The following MOB3B variants were observed in gnomAD, a reference collection of about 807,000 sequenced individuals.
MOB3B encodes the protein MOB kinase activator 3B, also known as MOB kinase activator-like 2B.
Under a neutral mutation model 18.7 loss-of-function variants are expected in MOB3B, and 7 were observed. The observed-to-expected ratio is 0.37, with a 90% CI of 0.21 to 0.70. The LOEUF (loss-of-function observed/expected upper bound fraction) is 0.70. Ranked by LOEUF, MOB3B falls within the 30% of genes least tolerant of loss-of-function variation. MOB3B has a pLI of 0.52. For synonymous variants in MOB3B, 111 were observed against 99.9 expected (o/e 1.11, Z -0.66); for missense variants, 253 against 281.3 (o/e 0.90, Z 0.72).
At chr9:27,414,728 C>T (rs1442430514) in intron 2 of MOB3B, among the ~76,000 whole-genome samples, 1 of 152,038 alleles carries the variant, frequency 6.6e-6, no homozygotes, top group Non-Finnish European at 1.5e-5. Flanking sequence ...TTTTCCTCCC[C>T]AATAAGTCAA....
chr9:27,425,912 T>C lies in MOB3B; in HGVS notation c.418+29221A>G, dbSNP rs114046192. Among the ~76,000 whole-genome samples the C allele has an allele frequency of 3.9e-3, 589 of 152,082 alleles. 4 individuals are homozygous for C. The highest frequency in any genetic ancestry group is 0.014 in the African/African-American group (567 of 41,446). ...AATGAGGGACTGGAAAAGTCATAGGTAAGGAAGGAAGAGTGACGGCAAACT... is the reference window on the plus strand; with the variant it reads ...AATGAGGGACTGGAAAAGTCATAGGCAAGGAAGGAAGAGTGACGGCAAACT... On this transcript the variant is annotated intron_variant, in intron 2 of 3. Coordinates refer to ENST00000262244, the MANE Select transcript of MOB3B (RefSeq NM_024761.5).
chr9:27,359,523 A>G (rs568152186), intron 2 of MOB3B, among the ~76,000 whole-genome samples: 1 of 152,320 alleles, frequency 6.6e-6, no homozygotes, highest in South Asian at 2.1e-4. Context: ...GATAATTCAG[A>G]AATTTAGAGT....
rs779649858 is a variant in MOB3B, at chr9:27,455,335, G to T, written c.216C>A (p.Asn72Lys). ...VHVVDFFNRI[N>K]LIYGTICEFC... ...ACTCACAGATGGTGCCATAGATGAG[G>T]TTGATCCGATTGAAGAAGTCCACCA... Residue 72 changes from asparagine (N) to lysine (K), a missense_variant, in exon 2 of 4, where the codon AAC becomes AAA. Asn to Lys is a moderately conservative substitution (Grantham distance 94). Coordinates refer to ENST00000262244, the MANE Select transcript of MOB3B (RefSeq NM_024761.5). 3.1e-6 allele frequency: 5 copies of T among 1,614,142 alleles called. No individual in the cohort carries two copies. The highest frequency in any genetic ancestry group is 4.2e-6 in the Non-Finnish European group (5 of 1,180,010).
At chr9:27,422,212 C>G (rs960615753) in intron 2 of MOB3B, among the ~76,000 whole-genome samples, 42 of 152,190 alleles carry the variant, frequency 2.8e-4, no homozygotes, top group African/African-American at 1.0e-3. Flanking sequence ...GCTGATCTTG[C>G]CTTTCAAATA....
intron 1 of MOB3B, among the ~76,000 whole-genome samples, chr9:27,481,562 G>GGCTGGAGT (rs950475978): frequency 2.1e-5 from 3 of 139,960 alleles, no homozygotes; most frequent in African/African-American, 8.3e-5. Context: ...CTGTCGCCCA[G>GGCTGGAGT]GCTGGAGTGC....
chr9:27,432,247 T>A (rs1204652979), intron 2 of MOB3B, among the ~76,000 whole-genome samples: 1 of 149,640 alleles, frequency 6.7e-6, no homozygotes, highest in Non-Finnish European at 1.5e-5. Flanking sequence ...TCTTTTACAA[T>A]TCTGTAAGAT....
In MOB3B at chr9:27,518,452, C is replaced by G. The variant is rs2131505694; in HGVS notation, c.-199+11103G>C. ...AAGCCCCATTCGGGCTCAAAAGGAC[C>G]CAGGGAAATCAACACTGAAATGAGG... On this transcript the variant is annotated intron_variant, in intron 1 of 3. Transcript: ENST00000262244. 2.6e-5 allele frequency among the ~76,000 whole-genome samples: 4 copies of G among 152,242 alleles called. No homozygotes were observed. The South Asian group carries it at 8.3e-4, about 32-fold the overall frequency.
At chr9:27,469,812 G>A (rs752880941) in intron 1 of MOB3B, among the ~76,000 whole-genome samples, 10 of 152,092 alleles carry the variant, frequency 6.6e-5, no homozygotes, top group South Asian at 4.2e-4. Flanking sequence ...CGTGCCAGGC[G>A]TGGTAGCTGA....
chr9:27,394,494 A>G (rs1056725300), intron 2 of MOB3B, among the ~76,000 whole-genome samples: 3 of 152,234 alleles, frequency 2.0e-5, no homozygotes, highest in African/African-American at 7.2e-5. Flanking sequence ...AAAAGAAGCA[A>G]TCCCAAATGA....
At chr9:27,481,623 T>TTATGCCAC (rs1384540262) in intron 1 of MOB3B, among the ~76,000 whole-genome samples, 8 of 150,902 alleles carry the variant, frequency 5.3e-5, no homozygotes, top group Non-Finnish European at 1.0e-4. Context: ...CCTCCCAGGT[T>TTATGCCAC]TATGCCACTC....
chr9:27,403,110 G>C (rs1021131495), intron 2 of MOB3B, among the ~76,000 whole-genome samples: 6 of 152,154 alleles, frequency 3.9e-5, no homozygotes, highest in African/African-American at 9.7e-5. Flanking sequence ...CACTGGCTCT[G>C]ATGACCACTA....
intron 2 of MOB3B, among the ~76,000 whole-genome samples, chr9:27,434,925 T>C (rs896905737): frequency 6.6e-6 from 1 of 152,182 alleles, no homozygotes; most frequent in Non-Finnish European, 1.5e-5. Context: ...AAAATATGTC[T>C]CTTGGCATGT....
intron 3 of MOB3B, among the ~76,000 whole-genome samples, chr9:27,333,865 C>T (rs1334167258): frequency 6.6e-6 from 1 of 152,190 alleles, no homozygotes; most frequent in Non-Finnish European, 1.5e-5. Flanking sequence ...TCACCTCCTG[C>T]TGAATTCCCT....
intron 2 of MOB3B, among the ~76,000 whole-genome samples, chr9:27,444,154 A>AGAAGGAAG (rs146325733): frequency 4.9e-5 from 7 of 142,670 alleles, no homozygotes; most frequent in East Asian, 4.1e-4. Flanking sequence ...GAAGAAGGAA[A>AGAAGGAAG]GAAGGAAGGA....
chr9:27,332,191 C>T (rs1820799031), intron 3 of MOB3B, among the ~76,000 whole-genome samples: 1 of 152,128 alleles, frequency 6.6e-6, no homozygotes, highest in South Asian at 2.1e-4. Context: ...CAGGATTTCA[C>T]CATGTTGCCC....
chr9:27,410,813 G>A (rs1822054935), intron 2 of MOB3B, among the ~76,000 whole-genome samples: 1 of 152,082 alleles, frequency 6.6e-6, no homozygotes, highest in African/African-American at 2.4e-5. Context: ...AAAATGAGAA[G>A]GAATCTACTT....
intron 2 of MOB3B, among the ~76,000 whole-genome samples, chr9:27,389,745 A>G (rs1303942496): frequency 6.6e-6 from 1 of 152,204 alleles, no homozygotes; most frequent in Admixed American, 6.5e-5. Flanking sequence ...ATAGTAGTAA[A>G]TAAATTAAAG....
chr9:27,510,621 G>C (rs1402852418), intron 1 of MOB3B, among the ~76,000 whole-genome samples: 1 of 152,176 alleles, frequency 6.6e-6, no homozygotes, highest in African/African-American at 2.4e-5. Context: ...AATATATATG[G>C]TGTTCTAAAT....
At chr9:27,455,867 T>G in intron 1 of MOB3B, 119 bp from the exon 2 acceptor site, 1 of 1,048,184 alleles carries the variant, frequency 9.5e-7, no homozygotes, top group African/African-American at 1.6e-5. Context: ...TCCAGGTATA[T>G]GGGCATGGGG....
Sources: allele counts gnomAD v4.1 joint callset (sites outside exome capture counted in the v4.1 genomes callset), GRCh38; gene constraint gnomAD v4.1.1; transcripts MANE v1.5; gene names NCBI Gene and HGNC (gene_info 2026-07-23, HGNC 2026-07-21).